CDC14A: variants seen among roughly 807,000 people sequenced by gnomAD.
CDC14A encodes dual specificity protein phosphatase CDC14A.
A neutral mutation model predicts 74.4 loss-of-function variants in CDC14A; 53 were observed. The observed-to-expected ratio is 0.71, with a 90% CI of 0.57 to 0.89. CDC14A has a LOEUF of 0.89. Among genes scored for constraint, CDC14A ranks in the 40% least tolerant of loss-of-function variants. The pLI, the probability that CDC14A is intolerant of heterozygous loss-of-function variation, is 0.00. For missense variants in CDC14A, 646 were observed against 713.7 expected, an observed-to-expected ratio of 0.91 and a Z score of 1.08; for synonymous variants, 247 against 258.4, an observed-to-expected ratio of 0.96 and a Z score of 0.43.
In CDC14A at chr1:100,485,405, A is replaced by G. The variant is rs949615; in HGVS notation, c.1137+954A>G. The G allele has an allele frequency of 0.015, 10,505 of 702,664 alleles. 919 individuals carry two copies. In the African/African-American group the frequency reaches 0.19, roughly 12 times the overall value. The allele number at this position is 702,664 out of a possible 1,614,324, so 43.5% of individuals were successfully genotyped here. ...AAAAGAAAAAAAGGACCTGTTCAAAATAGTGGAACAAGCTAGGCAGCGTGA... is the reference window on the plus strand; with the variant it reads ...AAAAGAAAAAAAGGACCTGTTCAAAGTAGTGGAACAAGCTAGGCAGCGTGA... On this transcript the variant is annotated intron_variant, in intron 11 of 15. Coordinates refer to ENST00000336454, the MANE Select transcript of CDC14A (RefSeq NM_003672.4).
chr1:100,349,995 A>G (rs1006136329), upstream of CDC14A, among the ~76,000 whole-genome samples: 14 of 143,240 alleles, frequency 9.8e-5, no homozygotes, highest in Non-Finnish European at 1.8e-4. Flanking sequence ...CTCGTCACCC[A>G]GGCTGTAGCA....
rs1415127811 is a variant in CDC14A, at chr1:100,519,719, A to T, written c.*1439A>T. On this transcript the variant is annotated 3_prime_UTR_variant, in exon 16 of 16. Coordinates refer to ENST00000336454, the MANE Select transcript of CDC14A (RefSeq NM_003672.4). ...ACCTTCAGTAACTGCAGTACCAAAAATTACACTCAACTGATGAAAAAAACG... is the reference window on the plus strand; with the variant it reads ...ACCTTCAGTAACTGCAGTACCAAAATTTACACTCAACTGATGAAAAAAACG... 2 of 152,602 alleles carry T rather than the reference A, an allele frequency of 1.3e-5. No homozygotes were observed. The highest frequency in any genetic ancestry group is 2.9e-5 in the Non-Finnish European group (2 of 68,006). 9.5% of individuals were successfully genotyped at this position (152,602 alleles called of 1,614,324 possible).
chr1:100,387,372 G>A (rs991635551), intron 3 of CDC14A, among the ~76,000 whole-genome samples: 5 of 152,164 alleles, frequency 3.3e-5, no homozygotes, highest in Non-Finnish European at 7.3e-5. Context: ...ATTTGACCTC[G>A]GAGATGCTGG....
At chr1:100,410,478 G>A (rs1272536619) in intron 4 of CDC14A, among the ~76,000 whole-genome samples, 3 of 150,710 alleles carry the variant, frequency 2.0e-5, no homozygotes, top group Admixed American at 1.3e-4. Flanking sequence ...ATGCCACCAC[G>A]CCCAGCTAAT....
At chr1:100,422,999 G>A (rs1039708643) in intron 4 of CDC14A, among the ~76,000 whole-genome samples, 5 of 152,074 alleles carry the variant, frequency 3.3e-5, no homozygotes, top group Admixed American at 6.5e-5. Context: ...GACATACTAA[G>A]GAAATAGTGC....
At chr1:100,383,665 T>G (rs1181638675) in intron 3 of CDC14A, 1 of 152,594 alleles carries the variant, frequency 6.6e-6, no homozygotes, top group African/African-American at 2.4e-5. Flanking sequence ...CCTTGGTCAT[T>G]GCGGTCCCTG....
chr1:100,478,806 G>T (rs1404216640), intron 10 of CDC14A, among the ~76,000 whole-genome samples: 1 of 152,106 alleles, frequency 6.6e-6, no homozygotes, highest in African/African-American at 2.4e-5. Context: ...CTACTGAGTT[G>T]GATATTTTCA....
At position 100,462,782 on chromosome 1, in the gene CDC14A, CTCT is replaced by C. The variant is rs1318896282; in HGVS notation, c.745_747del (p.Phe249del). On this transcript the variant is annotated inframe_deletion, in exon 9 of 16. Transcript: ENST00000336454. The stretch of plus-strand genomic sequence containing the variant: ...AGACGCTGGCTTCGAGCACTATGAC[CTCT>C]TCTTCATAGATGGCAGCACACCCAG... The C allele has an allele frequency of 6.2e-7, 1 of 1,614,106 alleles. No homozygotes were observed. Among genetic ancestry groups the C allele is most frequent in the Admixed American group, 1.7e-5 (1 of 60,024 alleles).
At chr1:100,410,106 G>A (rs1660478109) in intron 4 of CDC14A, among the ~76,000 whole-genome samples, 1 of 151,932 alleles carries the variant, frequency 6.6e-6, no homozygotes, top group South Asian at 2.1e-4. Context: ...CAGCTACTTG[G>A]GAGGCTGAGG....
intron 10 of CDC14A, among the ~76,000 whole-genome samples, chr1:100,476,077 T>C (rs376092394): frequency 2.0e-5 from 3 of 152,268 alleles, no homozygotes; most frequent in African/African-American, 7.2e-5. Context: ...AGAGCAGTTG[T>C]TGAAATGTTT....
At chr1:100,401,348 AATTG>A (rs1357314160) in intron 4 of CDC14A, among the ~76,000 whole-genome samples, 1 of 152,206 alleles carries the variant, frequency 6.6e-6, no homozygotes, top group Non-Finnish European at 1.5e-5. Flanking sequence ...ATGACTGTTT[AATTG>A]ATAAATAAGT....
At chr1:100,376,871 G>A (rs1185503813) in intron 2 of CDC14A, among the ~76,000 whole-genome samples, 1 of 152,150 alleles carries the variant, frequency 6.6e-6, no homozygotes, top group Non-Finnish European at 1.5e-5. Context: ...ACACAAGTAA[G>A]ATTATGACTA....
rs145550566 is a variant in CDC14A, at chr1:100,383,237, C to T, written c.216+5616C>T. 2.3e-3 allele frequency among the ~76,000 whole-genome samples: 350 copies of T among 152,290 alleles called. 2 individuals carry two copies. Among genetic ancestry groups the T allele is most frequent in the Non-Finnish European group, 3.9e-3 (262 of 68,020 alleles). On this transcript the variant is annotated intron_variant, in intron 3 of 15. Transcript: ENST00000336454. Reference sequence around the variant, plus strand: ...AGAACCCCGTTTATAGAGAATCCCACGTGCCTTCAATTATTGATTATTAAC... The same window carrying T: ...AGAACCCCGTTTATAGAGAATCCCATGTGCCTTCAATTATTGATTATTAAC...
At chr1:100,425,911 C>G (rs1662909668) in intron 5 of CDC14A, among the ~76,000 whole-genome samples, 1 of 152,092 alleles carries the variant, frequency 6.6e-6, no homozygotes, top group African/African-American at 2.4e-5. Flanking sequence ...AGTTTGAAGC[C>G]TCATTCTGCT....
At chr1:100,358,295 C>T (rs1652200659) in intron 2 of CDC14A, among the ~76,000 whole-genome samples, 2 of 152,192 alleles carry the variant, frequency 1.3e-5, no homozygotes, top group East Asian at 3.8e-4. Flanking sequence ...CAAACAGGCG[C>T]TTACTTTTAA....
rs778063144 is a variant in CDC14A, at chr1:100,511,431, T to C, written c.1756-6820T>C. Among the ~76,000 whole-genome samples, 8 of 152,324 alleles carry C rather than the reference T, an allele frequency of 5.3e-5. No individual in the cohort carries two copies. The Middle Eastern group carries it at 0.014, about 259-fold the overall frequency. On this transcript the variant is annotated intron_variant, in intron 15 of 15. Transcript: ENST00000336454. The stretch of plus-strand genomic sequence containing the variant: ...CAAGGCCAGATCTGATGGGCTCCTG[T>C]TAGTCCTTCTACTCCTAAGCCTGCC...
intron 4 of CDC14A, among the ~76,000 whole-genome samples, chr1:100,419,377 G>A (rs1384710621): frequency 1.3e-5 from 2 of 152,142 alleles, no homozygotes; most frequent in East Asian, 1.9e-4. Context: ...GTTAGGGTGC[G>A]GTAGTTTCAA....
intron 9 of CDC14A, among the ~76,000 whole-genome samples, chr1:100,466,092 G>T (rs1403713441): frequency 6.6e-6 from 1 of 152,180 alleles, no homozygotes; most frequent in African/African-American, 2.4e-5. Context: ...GGGGGAAGCT[G>T]CTTTAGTTTC....
intron 3 of CDC14A, among the ~76,000 whole-genome samples, chr1:100,385,178 T>C (rs1438977858): frequency 6.6e-6 from 1 of 152,238 alleles, no homozygotes; most frequent in Non-Finnish European, 1.5e-5. Context: ...GGACAGTGTT[T>C]TAGCTTCATA....
Sources: gnomAD v4.1 joint callset for allele counts (sites outside exome capture counted in the v4.1 genomes callset) on GRCh38, gnomAD v4.1.1 for gene constraint, MANE v1.5 for transcripts, NCBI Gene and HGNC (gene_info 2026-07-23, HGNC 2026-07-21) for gene names.